ZMYM4: variants seen among roughly 807,000 people sequenced by gnomAD.
ZMYM4 encodes zinc finger MYM-type protein 4.
ZMYM4 carries 31 observed loss-of-function variants against 183.2 expected under a neutral mutation model. The observed-to-expected ratio is 0.17, with a 90% confidence interval of 0.13 to 0.23. ZMYM4 has a LOEUF of 0.23. Among genes scored for constraint, ZMYM4 ranks in the 10% least tolerant of loss-of-function variants. ZMYM4 has a pLI of 1.00. For missense variants in ZMYM4, 1,273 were observed against 1,840.3 expected (o/e 0.69, Z 5.64); for synonymous variants, 592 against 631.2 (o/e 0.94, Z 0.93).
At chr1:35,314,127 G>A (rs548609044) in intron 1 of ZMYM4, among the ~76,000 whole-genome samples, 1 of 152,182 alleles carries the variant, frequency 6.6e-6, no homozygotes, top group South Asian at 2.1e-4. Flanking sequence ...ATAGACTTTA[G>A]GAAGCACTGA....
chr1:35,304,817 A>AGG (rs1363057524), intron 1 of ZMYM4, among the ~76,000 whole-genome samples: 46 of 148,626 alleles, frequency 3.1e-4, no homozygotes, highest in Non-Finnish European at 5.3e-4. Flanking sequence ...TCCAGCATAT[A>AGG]GTGTATCTTG....
At chr1:35,351,091 T>C (rs1175607838) in intron 2 of ZMYM4, 2 of 854,532 alleles carry the variant, frequency 2.3e-6, no homozygotes, top group African/African-American at 3.3e-5. Flanking sequence ...CAAGTGGAGG[T>C]GACTGGTGGT....
At chr1:35,377,106 C>T (rs1644351840) in intron 7 of ZMYM4, among the ~76,000 whole-genome samples, 1 of 151,852 alleles carries the variant, frequency 6.6e-6, no homozygotes, top group African/African-American at 2.4e-5. Context: ...GGGGTTTCGC[C>T]ATGTTGGCCA....
chr1:35,381,661 G>T lies in ZMYM4; in HGVS notation c.1472G>T (p.Gly491Val). 6.2e-7 allele frequency: 1 copy of T among 1,614,202 alleles called. No homozygotes were observed. Among genetic ancestry groups the T allele is most frequent in the Non-Finnish European group, 8.5e-7 (1 of 1,180,030 alleles). The change falls in exon 9 of 30, where the codon GGT (glycine) becomes GTT (valine). Residue 491 changes from glycine (G) to valine (V), a missense_variant. Gly to Val is a moderately radical substitution (Grantham distance 109, BLOSUM62 -3). Coordinates refer to ENST00000314607, the MANE Select transcript of ZMYM4 (RefSeq NM_005095.3). ...LTMNCCENCGGYCYSGSGQCH... is the reference protein window; with the variant it reads ...LTMNCCENCGVYCYSGSGQCH... ...ATGAACTGTTGTGAGAACTGTGGGG[G>T]TTACTGTTACAGTGGGTCGGGACAA...
At chr1:35,402,690 C>A (rs1221259301) in intron 23 of ZMYM4, among the ~76,000 whole-genome samples, 2 of 151,912 alleles carry the variant, frequency 1.3e-5, no homozygotes, top group East Asian at 3.8e-4. Flanking sequence ...ATTTTTTCTT[C>A]TATGATATTT....
intron 2 of ZMYM4, among the ~76,000 whole-genome samples, chr1:35,339,221 A>G (rs1643099826): frequency 6.6e-6 from 1 of 152,116 alleles, no homozygotes; most frequent in South Asian, 2.1e-4. Flanking sequence ...AACTATTTAC[A>G]TAGCATTAAC....
chr1:35,406,782 C>T (rs977441986), intron 25 of ZMYM4, among the ~76,000 whole-genome samples: 2 of 152,100 alleles, frequency 1.3e-5, no homozygotes, highest in Non-Finnish European at 2.9e-5. Flanking sequence ...TCACAGGAGC[C>T]CATGTGTATG....
intron 1 of ZMYM4, among the ~76,000 whole-genome samples, chr1:35,294,065 G>A (rs1177127860): frequency 2.0e-5 from 3 of 151,700 alleles, no homozygotes; most frequent in Admixed American, 6.6e-5. Context: ...AACCCAGGAG[G>A]CAGAGGTTGC....
Position 35,418,431 on chromosome 1 carries a change from TC to T in ZMYM4, c.4310-10del, listed in dbSNP as rs772827604. On this transcript the variant is annotated splice_polypyrimidine_tract_variant and intron_variant, in intron 28 of 29. Transcript: ENST00000314607. The stretch of plus-strand genomic sequence containing the variant: ...CTAATATAATCCTTTGATTATTATT[TC>T]CTGTCTCAAGATAAACTGACTGTTG... 1.9e-6 allele frequency: 3 copies of T among 1,612,476 alleles called. No homozygotes were observed. The highest frequency in any genetic ancestry group is 2.5e-6 in the Non-Finnish European group (3 of 1,179,472).
At chr1:35,286,693 G>A (rs1329882546) in intron 1 of ZMYM4, among the ~76,000 whole-genome samples, 1 of 149,388 alleles carries the variant, frequency 6.7e-6, no homozygotes, top group Non-Finnish European at 1.5e-5. Context: ...TGACCTCCTG[G>A]GCTCAAGCAA....
chr1:35,375,603 TATAAC>T (rs1237516552), intron 7 of ZMYM4, among the ~76,000 whole-genome samples: 3 of 152,214 alleles, frequency 2.0e-5, no homozygotes, highest in Non-Finnish European at 2.9e-5. Context: ...CCAGTAGAAA[TATAAC>T]AGCAGCACTT....
chr1:35,324,551 A>G lies in ZMYM4; in HGVS notation c.40-809A>G, dbSNP rs1405448803. Among the ~76,000 whole-genome samples, 4 of 152,162 alleles carry G rather than the reference A, an allele frequency of 2.6e-5. No homozygotes were observed. The East Asian group carries it at 5.8e-4, about 22-fold the overall frequency. On this transcript the variant is annotated intron_variant, in intron 1 of 29. Coordinates refer to ENST00000314607, the MANE Select transcript of ZMYM4 (RefSeq NM_005095.3). The stretch of plus-strand genomic sequence containing the variant: ...TGAATATCAGATACTACTGATTACT[A>G]TAGCTAGCTGTTGTGTTTCCTCTAC...
Position 35,410,417 on chromosome 1 carries a change from T to C in ZMYM4, c.3948+2258T>C, listed in dbSNP as rs141037302. On this transcript the variant is annotated intron_variant, in intron 26 of 29. Coordinates refer to ENST00000314607, the MANE Select transcript of ZMYM4 (RefSeq NM_005095.3). ...CTTCTCCCATTCTCTGGATTTTCTT[T>C]TCACTCTCTTGGTGTAGTGTACTTT... Among the ~76,000 whole-genome samples the C allele has an allele frequency of 8.5e-5, 13 of 152,228 alleles. No individual in the cohort carries two copies. In the East Asian group the frequency reaches 2.5e-3, roughly 29 times the overall value.
chr1:35,352,265 GCGCGCACACACACACACACACACA>G (rs1643642445), intron 2 of ZMYM4, among the ~76,000 whole-genome samples: 1 of 85,424 alleles, frequency 1.2e-5, no homozygotes, highest in Admixed American at 1.1e-4. Flanking sequence ...GCGCACGCGC[GCGCGCACACACACACACACACACA>G]CACACACACA....
At chr1:35,351,289 A>G in intron 2 of ZMYM4, 1 of 1,581,368 alleles carries the variant, frequency 6.3e-7, no homozygotes, top group Non-Finnish European at 8.7e-7. Context: ...AAGGAATTTA[A>G]TGCAGAAGTA....
At chr1:35,294,099 C>G (rs1019240908) in intron 1 of ZMYM4, among the ~76,000 whole-genome samples, 4 of 150,660 alleles carry the variant, frequency 2.7e-5, no homozygotes, top group African/African-American at 9.8e-5. Context: ...TGCGCCACTG[C>G]ACTCCAGCCT....
At chr1:35,411,276 C>T (rs1639882419) in intron 26 of ZMYM4, among the ~76,000 whole-genome samples, 2 of 151,058 alleles carry the variant, frequency 1.3e-5, no homozygotes, top group South Asian at 4.2e-4. Context: ...GCCTCAGCCT[C>T]CCGAGTAGCT....
intron 2 of ZMYM4, among the ~76,000 whole-genome samples, chr1:35,355,582 A>G (rs1388065401): frequency 1.3e-5 from 2 of 151,806 alleles, no homozygotes; most frequent in Non-Finnish European, 2.9e-5. Flanking sequence ...ATGAAATAAA[A>G]CCTTTTAAAT....
chr1:35,397,484 TCTC>T lies in ZMYM4; in HGVS notation c.3141_3143del (p.Leu1048del), dbSNP rs1208362447. The stretch of plus-strand genomic sequence containing the variant: ...TTCCCACACATCCATTTGAAGCTGA[TCTC>T]CTTGAGATGGCAGAAATGATTGCAG... On this transcript the variant is annotated inframe_deletion, in exon 20 of 30. Coordinates refer to ENST00000314607, the MANE Select transcript of ZMYM4 (RefSeq NM_005095.3). The T allele has an allele frequency of 3.1e-6, 5 of 1,613,416 alleles. No individual in the cohort carries two copies. Among genetic ancestry groups the T allele is most frequent in the African/African-American group, 2.7e-5 (2 of 74,884 alleles).
Sources: allele counts gnomAD v4.1 joint callset (sites outside exome capture counted in the v4.1 genomes callset), GRCh38; gene constraint gnomAD v4.1.1; transcripts MANE v1.5; gene names NCBI Gene and HGNC (gene_info 2026-07-23, HGNC 2026-07-21).